The following PAPSS2 variants were observed in gnomAD, a reference collection of about 807,000 sequenced individuals.
The protein encoded by PAPSS2 is 3'-phosphoadenosine 5'-phosphosulfate synthase 2.
Under a neutral mutation model 66.5 loss-of-function variants are expected in PAPSS2, and 61 were observed. That is an observed-to-expected ratio of 0.92 (90% CI 0.75 to 1.14). The LOEUF (loss-of-function observed/expected upper bound fraction) is 1.14. PAPSS2 is among the 50% of genes most tolerant of loss of function. PAPSS2 has a pLI of 0.00. For missense variants in PAPSS2, 708 were observed against 789.6 expected (o/e 0.90, Z 1.24); for synonymous variants, 289 against 287.5 (o/e 1.01, Z -0.05).
rs570694989 is a variant in PAPSS2, at chr10:87,664,968, A to G, written c.27+4960A>G. Among the ~76,000 whole-genome samples, 5 of 152,286 alleles carry G rather than the reference A, an allele frequency of 3.3e-5. No individual in the cohort carries two copies. The East Asian group carries it at 7.7e-4, about 23-fold the overall frequency. ...AATAAATGAATGAGTAAATGGCTAG[A>G]GAATTCATTAGAGGATGTATTTGCT... On this transcript the variant is annotated intron_variant, in intron 1 of 12. Coordinates refer to ENST00000456849, the MANE Select transcript of PAPSS2 (RefSeq NM_001015880.2).
At chr10:87,664,829 A>G (rs1195489262) in intron 1 of PAPSS2, among the ~76,000 whole-genome samples, 3 of 152,250 alleles carry the variant, frequency 2.0e-5, no homozygotes, top group African/African-American at 7.2e-5. Context: ...ATATAACACT[A>G]GTTCAACTGT....
chr10:87,721,678 G>T (rs945227713), intron 7 of PAPSS2, 78 bp from the exon 8 acceptor site: 2 of 942,370 alleles, frequency 2.1e-6, no homozygotes, highest in African/African-American at 1.6e-5. Flanking sequence ...ATAGGAATTT[G>T]TTCTTTGACA....
At chr10:87,742,623 G>A (rs745731213) in intron 10 of PAPSS2, among the ~76,000 whole-genome samples, 5 of 152,102 alleles carry the variant, frequency 3.3e-5, no homozygotes, top group Non-Finnish European at 7.3e-5. Flanking sequence ...ACCACTAAGT[G>A]GAGTAGTTTT....
At chr10:87,666,638 C>T (rs191181416) in intron 1 of PAPSS2, among the ~76,000 whole-genome samples, 4 of 152,006 alleles carry the variant, frequency 2.6e-5, no homozygotes, top group East Asian at 1.9e-4. Flanking sequence ...ATTTCAAGTG[C>T]GTTCTTGTCT....
intron 7 of PAPSS2, among the ~76,000 whole-genome samples, chr10:87,720,281 G>T (rs762355481): frequency 2.6e-5 from 4 of 152,342 alleles, no homozygotes; most frequent in Non-Finnish European, 4.4e-5. Context: ...TCCCCCAGTA[G>T]AAGGGAGTAG....
chr10:87,743,127 T>C (rs1175528915), intron 10 of PAPSS2, among the ~76,000 whole-genome samples: 2 of 151,638 alleles, frequency 1.3e-5, no homozygotes, highest in African/African-American at 4.9e-5. Flanking sequence ...ACGCCTGTAA[T>C]CCCAGCTACT....
chr10:87,660,268 C>T, intron 1 of PAPSS2: 1 of 596,494 alleles, frequency 1.7e-6, no homozygotes, highest in Non-Finnish European at 3.0e-6. Flanking sequence ...GAGAGACCTC[C>T]CGAGCTTCTC....
chr10:87,739,376 G>A (rs1006780963), intron 9 of PAPSS2, among the ~76,000 whole-genome samples: 1 of 152,296 alleles, frequency 6.6e-6, no homozygotes, highest in African/African-American at 2.4e-5. Flanking sequence ...GCTACATTTT[G>A]CTGCGCTTTG....
At chr10:87,660,897 C>G in intron 1 of PAPSS2, 1 of 447,964 alleles carries the variant, frequency 2.2e-6, no homozygotes, top group Non-Finnish European at 4.5e-6. Context: ...ACTGGGGCCA[C>G]GTCAGATGTG....
intron 1 of PAPSS2, among the ~76,000 whole-genome samples, chr10:87,675,019 C>A (rs1852927798): frequency 6.6e-6 from 1 of 152,220 alleles, no homozygotes; most frequent in Non-Finnish European, 1.5e-5. Context: ...ACTCCTCTTA[C>A]AAGACCCATA....
chr10:87,687,575 G>A lies in PAPSS2; in HGVS notation c.28-21621G>A, dbSNP rs2145817. Among the ~76,000 whole-genome samples, 16 of 152,290 alleles carry A rather than the reference G, an allele frequency of 1.1e-4. 1 individual carries two copies. In the East Asian group the frequency reaches 1.9e-3, roughly 18 times the overall value. Reference sequence around the variant, plus strand: ...ATAGTGGTTACCAGAGGCTGGTAACGATAGAAGGGAAGGGAGGATGAATAC... The same window carrying A: ...ATAGTGGTTACCAGAGGCTGGTAACAATAGAAGGGAAGGGAGGATGAATAC... On this transcript the variant is annotated intron_variant, in intron 1 of 12. Transcript: ENST00000456849.
Position 87,659,951 on chromosome 10 carries a change from C to T in PAPSS2, c.-31C>T. ...CCCTGCGTCCTTCGGTCTCTGCTCC[C>T]GGGACCCGGGCTCCGCCGCAGCCAG... On this transcript the variant is annotated 5_prime_UTR_variant, in exon 1 of 13. Coordinates refer to ENST00000456849, the MANE Select transcript of PAPSS2 (RefSeq NM_001015880.2). 1 of 1,611,328 alleles carries T rather than the reference C, an allele frequency of 6.2e-7. No individual in the cohort carries two copies. Among genetic ancestry groups the T allele is most frequent in the Middle Eastern group, 1.7e-4 (1 of 6,042 alleles).
intron 1 of PAPSS2, among the ~76,000 whole-genome samples, chr10:87,669,086 C>T (rs986270948): frequency 1.4e-4 from 21 of 152,074 alleles, no homozygotes; most frequent in Admixed American, 7.9e-4. Flanking sequence ...GTAACTTGAC[C>T]GTTTTGAAAT....
chr10:87,689,667 C>CAAAAAA (rs536306316), intron 1 of PAPSS2, among the ~76,000 whole-genome samples: 11 of 74,604 alleles, frequency 1.5e-4, no homozygotes, highest in East Asian at 3.2e-4. Context: ...AACCTTGTCT[C>CAAAAAA]AAAAAAAAAA....
intron 1 of PAPSS2, among the ~76,000 whole-genome samples, chr10:87,684,560 G>A (rs141674999): frequency 2.6e-5 from 4 of 152,314 alleles, no homozygotes; most frequent in Non-Finnish European, 5.9e-5. Context: ...ACGTGGAACC[G>A]TACAATGTGT....
intron 9 of PAPSS2, among the ~76,000 whole-genome samples, chr10:87,740,167 G>A (rs746344717): frequency 3.5e-5 from 5 of 143,466 alleles, no homozygotes; most frequent in Middle Eastern, 7.1e-3. Flanking sequence ...AGTATTCATT[G>A]CCAATGATAA....
chr10:87,737,098 T>A (rs536720296), intron 9 of PAPSS2, among the ~76,000 whole-genome samples: 9 of 152,276 alleles, frequency 5.9e-5, no homozygotes, highest in African/African-American at 2.2e-4. Context: ...CTGGGTACCC[T>A]GATTATGATC....
intron 1 of PAPSS2, among the ~76,000 whole-genome samples, chr10:87,666,210 T>C (rs12240370): frequency 1.7e-3 from 253 of 152,276 alleles, no homozygotes; most frequent in African/African-American, 5.7e-3. Context: ...GTGATCTGTC[T>C]GCCTTGGCCT....
At chr10:87,665,780 T>C (rs1327058159) in intron 1 of PAPSS2, among the ~76,000 whole-genome samples, 1 of 152,132 alleles carries the variant, frequency 6.6e-6, no homozygotes, top group Non-Finnish European at 1.5e-5. Flanking sequence ...TGGGCTTTAA[T>C]TTCTGTTCCA....
Sources: gnomAD v4.1 joint callset for allele counts (sites outside exome capture counted in the v4.1 genomes callset) on GRCh38, gnomAD v4.1.1 for gene constraint, MANE v1.5 for transcripts, NCBI Gene and HGNC (gene_info 2026-07-23, HGNC 2026-07-21) for gene names.